The following KCNIP1 variants were observed in gnomAD, a reference collection of about 807,000 sequenced individuals.
KCNIP1 encodes potassium voltage-gated channel interacting protein 1, also known as A-type potassium channel modulatory protein KCNIP1.
Under a neutral mutation model 33.0 loss-of-function variants are expected in KCNIP1, and 18 were observed. The ratio of observed to expected loss-of-function variants is 0.55; its 90% confidence interval spans 0.38 to 0.81. KCNIP1 has a LOEUF of 0.81. Among genes scored for constraint, KCNIP1 ranks in the 30% least tolerant of loss-of-function variants. The pLI is 0.00. For missense variants in KCNIP1, 238 were observed against 271.6 expected, an observed-to-expected ratio of 0.88 and a Z score of 0.87; for synonymous variants, 93 against 98.3, an observed-to-expected ratio of 0.95 and a Z score of 0.32.
In KCNIP1 at chr5:170,489,363, CTT is replaced by C. The variant is rs1476121930; in HGVS notation, c.88+135401_88+135402del. Among the ~76,000 whole-genome samples, 1 of 152,226 alleles carries C rather than the reference CTT, an allele frequency of 6.6e-6. No homozygotes were observed. The highest frequency in any genetic ancestry group is 2.4e-5 in the African/African-American group (1 of 41,466). ...ATGAGACTGTCTGGTTGCCGCTAGACTTTGGCCAGGGCTGTCCTGCAGGTAAG... is the reference window on the plus strand; with the variant it reads ...ATGAGACTGTCTGGTTGCCGCTAGACTGGCCAGGGCTGTCCTGCAGGTAAG... On this transcript the variant is annotated intron_variant, in intron 1 of 7. Transcript: ENST00000377360. This position sits in a 1 kb window ranked among gnomAD's most constrained non-coding sequence, Gnocchi z 4.3.
intron 1 of KCNIP1, among the ~76,000 whole-genome samples, chr5:170,597,786 T>TAG (rs1016791333): frequency 8.2e-3 from 6 of 730 alleles, no homozygotes; most frequent in African/African-American, 0.015. Context: ...GAGAGATAAA[T>TAG]ATATATATAT....
chr5:170,711,066 C>T (rs1763427624), intron 1 of KCNIP1, among the ~76,000 whole-genome samples: 1 of 152,198 alleles, frequency 6.6e-6, no homozygotes, highest in Non-Finnish European at 1.5e-5. Context: ...AACCAGGAAA[C>T]AAACCATCGT....
chr5:170,508,100 A>G (rs1049213038), intron 1 of KCNIP1, among the ~76,000 whole-genome samples: 1 of 152,202 alleles, frequency 6.6e-6, no homozygotes, highest in African/African-American at 2.4e-5. Context: ...TTTAGGGACA[A>G]CATCACTAGA....
intron 1 of KCNIP1, among the ~76,000 whole-genome samples, chr5:170,370,165 G>A (rs765537894): frequency 2.6e-5 from 4 of 152,156 alleles, no homozygotes; most frequent in Non-Finnish European, 4.4e-5. Flanking sequence ...GAAGTTGCTA[G>A]TAAGAAAAAG....
At chr5:170,524,027 G>T (rs1280036079) in intron 1 of KCNIP1, among the ~76,000 whole-genome samples, 1 of 152,138 alleles carries the variant, frequency 6.6e-6, no homozygotes, top group African/African-American at 2.4e-5. Flanking sequence ...GCACAGCCCA[G>T]GTCTGGGCTC....
intron 1 of KCNIP1, among the ~76,000 whole-genome samples, chr5:170,632,831 G>GT (rs1451635464): frequency 6.6e-6 from 1 of 152,232 alleles, no homozygotes; most frequent in Admixed American, 6.5e-5. Context: ...TTCTTCATCT[G>GT]TAAGTGGGAA....
rs982528426 is a variant in KCNIP1, at chr5:170,387,643, G to T, written c.88+33679G>T. Among the ~76,000 whole-genome samples the T allele has an allele frequency of 2.6e-5, 4 of 152,128 alleles. No homozygotes were observed. The South Asian group carries it at 8.3e-4, about 32-fold the overall frequency. ...GCACAAGCAAGCAGAAATTGCCCCC[G>T]ACAAAGAGAGATGTTTTATTCAACT... On this transcript the variant is annotated intron_variant, in intron 1 of 7. Transcript: ENST00000377360.
intron 1 of KCNIP1, among the ~76,000 whole-genome samples, chr5:170,708,568 T>C (rs911828670): frequency 6.6e-6 from 1 of 152,250 alleles, no homozygotes. Context: ...TTACCATGAT[T>C]TAATTACCAT....
intron 1 of KCNIP1, among the ~76,000 whole-genome samples, chr5:170,708,721 C>T (rs1763346215): frequency 6.6e-6 from 1 of 152,074 alleles, no homozygotes. Flanking sequence ...TATAGTGAGA[C>T]CTCATCTCCA....
At position 170,371,134 on chromosome 5, in the gene KCNIP1, A is replaced by G. The variant is rs927863819; in HGVS notation, c.88+17170A>G. ...TCTCCCTTCTGTTCTGCTTTTGCAT[A>G]GTGACCAGTTCAAGGATCGCTGCAA... is the stretch of plus-strand genomic sequence containing the variant. On this transcript the variant is annotated intron_variant, in intron 1 of 7. Coordinates refer to the KCNIP1 transcript ENST00000377360. Among the ~76,000 whole-genome samples the G allele has an allele frequency of 4.6e-5, 7 of 152,262 alleles. No individual in the cohort carries two copies. The East Asian group carries it at 1.2e-3, about 25-fold the overall frequency.
At chr5:170,666,743 C>A (rs772232950) in intron 1 of KCNIP1, among the ~76,000 whole-genome samples, 59 of 152,216 alleles carry the variant, frequency 3.9e-4, no homozygotes, top group Non-Finnish European at 7.5e-4. Context: ...GTTTACCTCC[C>A]TGTCCCAGCA....
chr5:170,671,138 C>T (rs898758069), intron 1 of KCNIP1, among the ~76,000 whole-genome samples: 1 of 152,288 alleles, frequency 6.6e-6, no homozygotes, highest in Non-Finnish European at 1.5e-5. Context: ...GTTTAAAACA[C>T]ACACACATAC....
At chr5:170,627,838 G>C (rs1294069947) in intron 1 of KCNIP1, among the ~76,000 whole-genome samples, 1 of 152,180 alleles carries the variant, frequency 6.6e-6, no homozygotes, top group Non-Finnish European at 1.5e-5. Flanking sequence ...GGCTGAAGAG[G>C]AGAGGGGCTT....
At chr5:170,433,349 GCTAATTATT>G (rs981581175) in intron 1 of KCNIP1, among the ~76,000 whole-genome samples, 2 of 151,960 alleles carry the variant, frequency 1.3e-5, no homozygotes, top group African/African-American at 4.8e-5. Flanking sequence ...ATCACACCTG[GCTAATTATT>G]CTATTTTTAG....
intron 1 of KCNIP1, among the ~76,000 whole-genome samples, chr5:170,608,714 G>A (rs1759028900): frequency 6.6e-6 from 1 of 151,592 alleles, no homozygotes; most frequent in Admixed American, 6.6e-5. Flanking sequence ...AGAGGTTGCA[G>A]TGAGCTGAGA....
At chr5:170,719,927 A>G (rs1351969214) in intron 2 of KCNIP1, among the ~76,000 whole-genome samples, 1 of 152,202 alleles carries the variant, frequency 6.6e-6, no homozygotes, top group Non-Finnish European at 1.5e-5. Flanking sequence ...ACTGCTTGGC[A>G]TCTACCATGG....
chr5:170,561,140 GA>G (rs1428773307), intron 1 of KCNIP1: 1 of 456,036 alleles, frequency 2.2e-6, no homozygotes, highest in South Asian at 1.5e-5. Flanking sequence ...AGGAGCTGGA[GA>G]TGTGTTTATG....
chr5:170,719,084 G>A (rs1763730443), intron 2 of KCNIP1, among the ~76,000 whole-genome samples: 2 of 152,140 alleles, frequency 1.3e-5, no homozygotes, highest in African/African-American at 4.8e-5. Flanking sequence ...TCAGGAGACA[G>A]TAAACGGCCA....
At chr5:170,733,686 A>G in intron 6 of KCNIP1, 150 bp from the exon 7 acceptor site, 1 of 630,090 alleles carries the variant, frequency 1.6e-6, no homozygotes, top group South Asian at 1.9e-5. Context: ...CCAGTGAAAG[A>G]CAACTCTCAT....
Sources: gnomAD v4.1 joint callset for allele counts (sites outside exome capture counted in the v4.1 genomes callset) on GRCh38, gnomAD v4.1.1 for gene constraint, Gnocchi (gnomAD v3.1) non-coding constraint, MANE v1.5 for transcripts, NCBI Gene and HGNC (gene_info 2026-07-23, HGNC 2026-07-21) for gene names.